GABRB3: variants seen among roughly 807,000 people sequenced by gnomAD.
The protein encoded by GABRB3 is gamma-aminobutyric acid type A receptor subunit beta3, also known as gamma-aminobutyric acid receptor subunit beta-3.
In GABRB3, 14 loss-of-function variants were observed where a neutral mutation model predicts 52.1. That is an observed-to-expected ratio of 0.27 (90% CI 0.18 to 0.42). The LOEUF is 0.42. GABRB3 is among the 10% of genes least tolerant of loss of function. The pLI, the probability that GABRB3 is intolerant of heterozygous loss-of-function variation, is 1.00. For missense variants in GABRB3, 307 were observed against 609.1 expected, an observed-to-expected ratio of 0.50 and a Z score of 5.22; for synonymous variants, 260 against 232.3, an observed-to-expected ratio of 1.12 and a Z score of -1.08.
At chr15:26,626,819 T>C (rs1892714471) in intron 3 of GABRB3, among the ~76,000 whole-genome samples, 1 of 152,224 alleles carries the variant, frequency 6.6e-6, no homozygotes, top group Admixed American at 6.5e-5. Flanking sequence ...CAGCAAGTGC[T>C]GATGGAGAAG....
intron 3 of GABRB3, among the ~76,000 whole-genome samples, chr15:26,719,757 T>C (rs532741418): frequency 2.0e-5 from 3 of 152,272 alleles, no homozygotes; most frequent in Admixed American, 2.0e-4. Context: ...CACAAGCCAG[T>C]TGAAGAAATT....
chr15:26,745,970 T>A (rs1890327008), intron 3 of GABRB3, among the ~76,000 whole-genome samples: 1 of 152,136 alleles, frequency 6.6e-6, no homozygotes, highest in Non-Finnish European at 1.5e-5. Context: ...TGCCACAGAG[T>A]GCAATTGCTG....
intron 4 of GABRB3, among the ~76,000 whole-genome samples, chr15:26,589,305 G>C (rs1169414486): frequency 5.3e-5 from 8 of 152,160 alleles, no homozygotes; most frequent in African/African-American, 1.9e-4. Context: ...GCTCACTTCT[G>C]CAAACATTTG....
chr15:26,686,778 G>T (rs28510431), intron 3 of GABRB3, among the ~76,000 whole-genome samples: 2 of 152,100 alleles, frequency 1.3e-5, no homozygotes, highest in African/African-American at 4.8e-5. Flanking sequence ...GGCACCCGGC[G>T]TGGGATGCCA....
chr15:26,770,330 T>A (rs75788680), intron 3 of GABRB3, among the ~76,000 whole-genome samples: 1 of 152,104 alleles, frequency 6.6e-6, no homozygotes, highest in Non-Finnish European at 1.5e-5. Context: ...GCAAAAAAAA[T>A]GCGTACAAGT....
intron 3 of GABRB3, among the ~76,000 whole-genome samples, chr15:26,667,711 C>T (rs1168753770): frequency 1.3e-5 from 2 of 152,300 alleles, no homozygotes; most frequent in South Asian, 2.1e-4. Flanking sequence ...GCAGTATCAG[C>T]GTCACCTGGG....
At chr15:26,661,984 C>T (rs35964798) in intron 3 of GABRB3, among the ~76,000 whole-genome samples, 3,071 of 152,178 alleles carry the variant, frequency 0.02, 47 homozygotes, top group Non-Finnish European at 0.031. Flanking sequence ...TTCAATTAAA[C>T]GCAGCCGAGA....
Position 26,618,975 on chromosome 15 carries a change from C to G in GABRB3, c.461+2339G>C, listed in dbSNP as rs536787272. Reference sequence around the variant, plus strand: ...AATCAAAACCACAATGAGATACCATCTCACACCAGTTAGAATGGCAATCAT... The same window carrying G: ...AATCAAAACCACAATGAGATACCATGTCACACCAGTTAGAATGGCAATCAT... On this transcript the variant is annotated intron_variant, in intron 4 of 8. Coordinates refer to ENST00000311550, the MANE Select transcript of GABRB3 (RefSeq NM_000814.6). Among the ~76,000 whole-genome samples the G allele has an allele frequency of 3.1e-4, 45 of 145,006 alleles. No individual in the cohort carries two copies. The South Asian group carries it at 9.2e-3, about 30-fold the overall frequency.
intron 3 of GABRB3, among the ~76,000 whole-genome samples, chr15:26,695,194 A>C (rs1002240522): frequency 2.0e-5 from 3 of 152,152 alleles, no homozygotes; most frequent in African/African-American, 4.8e-5. Flanking sequence ...AATGACCCCC[A>C]AAAAATGTAC....
At chr15:26,664,012 C>G (rs1887627647) in intron 3 of GABRB3, among the ~76,000 whole-genome samples, 1 of 152,144 alleles carries the variant, frequency 6.6e-6, no homozygotes, top group Non-Finnish European at 1.5e-5. Context: ...CTTTTATTCT[C>G]CCATCTTTTA....
chr15:26,769,997 T>A (rs950616586), intron 3 of GABRB3, among the ~76,000 whole-genome samples: 2 of 152,090 alleles, frequency 1.3e-5, no homozygotes, highest in Non-Finnish European at 2.9e-5. Flanking sequence ...ATTGACTGAG[T>A]GGCAGCTCTA....
chr15:26,548,804 C>T (rs1889354399), intron 8 of GABRB3, among the ~76,000 whole-genome samples: 1 of 152,204 alleles, frequency 6.6e-6, no homozygotes, highest in South Asian at 2.1e-4. Flanking sequence ...AATTTAACTT[C>T]AGACATTTCA....
In GABRB3 at chr15:26,725,906, A is replaced by G. The variant is rs1595553619; in HGVS notation, c.240+46496T>C. Among the ~76,000 whole-genome samples the G allele has an allele frequency of 2.0e-5, 3 of 152,328 alleles. No homozygotes were observed. In the East Asian group the frequency reaches 5.8e-4, roughly 29 times the overall value. On this transcript the variant is annotated intron_variant, in intron 3 of 8. Transcript: ENST00000311550. ...ACTATCTCAGCCACCCATGTAGACA[A>G]TCTGTGGTTGTTCAGCATCACCACC...
intron 3 of GABRB3, among the ~76,000 whole-genome samples, chr15:26,725,792 G>C (rs529801431): frequency 6.6e-6 from 1 of 152,254 alleles, no homozygotes; most frequent in Admixed American, 6.5e-5. Flanking sequence ...ATAGCCTGAA[G>C]GCAATCATGT....
At chr15:26,631,291 A>G (rs1566784156) in intron 3 of GABRB3, among the ~76,000 whole-genome samples, 1 of 152,246 alleles carries the variant, frequency 6.6e-6, no homozygotes, top group Non-Finnish European at 1.5e-5. Context: ...TAAGACATAT[A>G]AACAACAAAG....
At chr15:26,583,551 T>C (rs144053423) in intron 4 of GABRB3, 137 bp from the exon 5 acceptor site, 6 of 678,540 alleles carry the variant, frequency 8.8e-6, no homozygotes, top group Non-Finnish European at 1.6e-5. Context: ...TCACTATATA[T>C]AGAGAGAAAC....
intron 3 of GABRB3, among the ~76,000 whole-genome samples, chr15:26,700,399 G>A (rs868227668): frequency 8.9e-5 from 13 of 145,416 alleles, no homozygotes; most frequent in African/African-American, 3.7e-4. Context: ...AGCATATAAG[G>A]AAGAATTAAT....
At chr15:26,708,518 T>C (rs1005004224) in intron 3 of GABRB3, among the ~76,000 whole-genome samples, 1 of 152,086 alleles carries the variant, frequency 6.6e-6, no homozygotes, top group Non-Finnish European at 1.5e-5. Flanking sequence ...AAGAGAGTCC[T>C]GGGTACTAGG....
intron 3 of GABRB3, among the ~76,000 whole-genome samples, chr15:26,732,840 T>C (rs538409086): frequency 6.6e-6 from 1 of 152,154 alleles, no homozygotes; most frequent in African/African-American, 2.4e-5. Context: ...ATACAATTCT[T>C]TTTTTTAATT....
Sources: gnomAD v4.1 joint callset for allele counts (sites outside exome capture counted in the v4.1 genomes callset) on GRCh38, gnomAD v4.1.1 for gene constraint, MANE v1.5 for transcripts, NCBI Gene and HGNC (gene_info 2026-07-23, HGNC 2026-07-21) for gene names.